SVIL: variants seen among roughly 807,000 people sequenced by gnomAD.
SVIL encodes the protein supervillin, also known as archvillin.
A neutral mutation model predicts 240.4 loss-of-function variants in SVIL; 101 were observed. The observed-to-expected ratio is 0.42, with a 90% confidence interval of 0.36 to 0.50. The LOEUF (loss-of-function observed/expected upper bound fraction) is 0.50, where lower values mean the gene tolerates loss of function less well. Among genes scored for constraint, SVIL ranks in the 20% least tolerant of loss-of-function variants. SVIL has a pLI of 0.01. For missense variants in SVIL, 2,512 were observed against 2,818.7 expected, an observed-to-expected ratio of 0.89 and a Z score of 2.46; for synonymous variants, 999 against 1,100.0, an observed-to-expected ratio of 0.91 and a Z score of 1.82.
chr10:29,670,853 G>C (rs1232551481), intron 2 of SVIL: 1 of 152,208 alleles, frequency 6.6e-6, no homozygotes, highest in Non-Finnish European at 1.5e-5. Context: ...CAGGAATCGT[G>C]CCCAGGATTC....
chr10:29,724,133 G>A (rs1964142328), intron 1 of SVIL, among the ~76,000 whole-genome samples: 1 of 147,468 alleles, frequency 6.8e-6, no homozygotes, highest in Non-Finnish European at 1.5e-5. Flanking sequence ...ATGAAAGTGA[G>A]TTTTCCACAA....
chr10:29,482,017 T>TTTTC (rs1180615887), intron 27 of SVIL, among the ~76,000 whole-genome samples: 1 of 108,936 alleles, frequency 9.2e-6, no homozygotes, highest in Non-Finnish European at 1.7e-5. Flanking sequence ...AGTTCTTTTC[T>TTTTC]TTTCTTTTTT....
At position 29,722,087 on chromosome 10, in the gene SVIL, A is replaced by T. The variant is rs374772027; in HGVS notation, c.-400+13664T>A. Among the ~76,000 whole-genome samples the T allele has an allele frequency of 1.1e-3, 168 of 152,090 alleles. 1 individual carries two copies. The highest frequency in any genetic ancestry group is 3.9e-3 in the African/African-American group (161 of 41,484). ...ACCCTGTCTCTGCTAAAAATACAAA[A>T]ATTAGCCAGACGTGGTGGTGCGCAT... On this transcript the variant is annotated intron_variant, in intron 1 of 35. Transcript: ENST00000375400.
At chr10:29,647,625 G>C (rs1049666937) in intron 3 of SVIL, among the ~76,000 whole-genome samples, 2 of 106,708 alleles carry the variant, frequency 1.9e-5, no homozygotes, top group African/African-American at 7.2e-5. Flanking sequence ...GCAAATATAG[G>C]TGTGTGTGTG....
chr10:29,475,835 C>T (rs566466052), intron 29 of SVIL, among the ~76,000 whole-genome samples: 1 of 152,292 alleles, frequency 6.6e-6, no homozygotes, highest in Non-Finnish European at 1.5e-5. Context: ...GCAGTTTTCC[C>T]AGCTCCAATC....
intron 1 of SVIL, among the ~76,000 whole-genome samples, chr10:29,711,531 T>G (rs1247088): frequency 2.0e-5 from 3 of 151,426 alleles, no homozygotes; most frequent in Non-Finnish European, 4.4e-5. Context: ...GAGGCCAAGG[T>G]GGGCAGATCA....
chr10:29,501,317 A>G (rs1288681880), intron 17 of SVIL, among the ~76,000 whole-genome samples: 5 of 151,506 alleles, frequency 3.3e-5, no homozygotes, highest in African/African-American at 9.7e-5. Context: ...TATTGTGGTT[A>G]TGCGAGGAAA....
rs557782771 is a variant in SVIL at position 29,550,098 on chromosome 10, A to G, written c.827+499T>C. ...TAAGAAACGCACAAAGAAAAAGAAC[A>G]TGAGGCTTCCTGCTTTGGTAGAACC... On this transcript the variant is annotated intron_variant, in intron 6 of 37. Coordinates refer to ENST00000355867, the MANE Select transcript of SVIL (RefSeq NM_021738.3). Among the ~76,000 whole-genome samples the G allele has an allele frequency of 4.0e-5, 6 of 151,696 alleles. 1 individual carries two copies. In the South Asian group the frequency reaches 1.3e-3, roughly 32 times the overall value.
intron 22 of SVIL, 31 bp downstream of exon 22, chr10:29,490,816 A>C (rs1439891801): frequency 6.2e-7 from 1 of 1,610,482 alleles, no homozygotes. Flanking sequence ...ATTCCCAAAC[A>C]CAGAAGCAGG....
intron 18 of SVIL, among the ~76,000 whole-genome samples, chr10:29,497,588 C>T (rs182186869): frequency 1.3e-5 from 2 of 152,312 alleles, no homozygotes; most frequent in East Asian, 1.9e-4. Flanking sequence ...GCAGGGACAT[C>T]CCACTGCCTA....
chr10:29,643,033 G>C (rs538473761), intron 3 of SVIL, among the ~76,000 whole-genome samples: 3 of 152,130 alleles, frequency 2.0e-5, no homozygotes, highest in Admixed American at 2.0e-4. Context: ...CTTTTGTCAG[G>C]GTGGATTAAT....
intron 29 of SVIL, among the ~76,000 whole-genome samples, chr10:29,479,233 C>G (rs1946563464): frequency 6.6e-6 from 1 of 152,142 alleles, no homozygotes; most frequent in Admixed American, 6.5e-5. Flanking sequence ...CACTCTGACT[C>G]TCTGCCCGCA....
intron 7 of SVIL, among the ~76,000 whole-genome samples, chr10:29,533,815 C>T (rs1477933577): frequency 6.6e-6 from 1 of 152,144 alleles, no homozygotes; most frequent in Non-Finnish European, 1.5e-5. Flanking sequence ...TGAGCCTGGT[C>T]CCTTGAATCA....
intron 36 of SVIL, among the ~76,000 whole-genome samples, chr10:29,460,793 C>A (rs1040541899): frequency 1.7e-4 from 26 of 152,152 alleles, no homozygotes; most frequent in Non-Finnish European, 2.5e-4. Flanking sequence ...GTAGTCCCAG[C>A]TACCTGGGAG....
chr10:29,518,758 A>G (rs1242146874), intron 16 of SVIL, among the ~76,000 whole-genome samples: 1 of 152,180 alleles, frequency 6.6e-6, no homozygotes, highest in Non-Finnish European at 1.5e-5. Context: ...CAGGAGGGTG[A>G]GGCAGGAGAA....
chr10:29,722,912 C>G (rs1393524668), intron 1 of SVIL, among the ~76,000 whole-genome samples: 1 of 152,242 alleles, frequency 6.6e-6, no homozygotes, highest in Non-Finnish European at 1.5e-5. Context: ...AATCCTGTCA[C>G]TCCTAGATAC....
chr10:29,673,589 GA>G (rs1249319250), intron 2 of SVIL, among the ~76,000 whole-genome samples: 1 of 147,124 alleles, frequency 6.8e-6, no homozygotes, highest in East Asian at 2.1e-4. Flanking sequence ...GGGAGAGAGA[GA>G]GAGAGAGAGA....
intron 16 of SVIL, among the ~76,000 whole-genome samples, chr10:29,521,059 T>C (rs1307117205): frequency 6.6e-6 from 1 of 151,366 alleles, no homozygotes; most frequent in Non-Finnish European, 1.5e-5. Context: ...CCAACTCTAC[T>C]AAAAATACAA....
intron 2 of SVIL, among the ~76,000 whole-genome samples, chr10:29,675,525 C>G (rs1312586312): frequency 6.6e-6 from 1 of 152,146 alleles, no homozygotes; most frequent in Non-Finnish European, 1.5e-5. Flanking sequence ...AACCAGCCCT[C>G]TCCAGGCTAG....
Sources: allele counts gnomAD v4.1 joint callset (sites outside exome capture counted in the v4.1 genomes callset), GRCh38; gene constraint gnomAD v4.1.1; transcripts MANE v1.5; gene names NCBI Gene and HGNC (gene_info 2026-07-23, HGNC 2026-07-21).